Variants in SIL1 observed in about 807,000 individuals in gnomAD.
The protein encoded by SIL1 is nucleotide exchange factor SIL1.
In SIL1, 40 loss-of-function variants were observed where a neutral mutation model predicts 49.1. The ratio of observed to expected loss-of-function variants is 0.81; its 90% CI spans 0.63 to 1.06. The LOEUF (loss-of-function observed/expected upper bound fraction) is 1.06. Ranked by LOEUF, SIL1 falls within the 50% of genes least tolerant of loss-of-function variation. The probability of loss-of-function intolerance (pLI) is 0.00; values close to 1 mark genes in which losing one functional copy is unlikely to be tolerated. For missense variants in SIL1, 500 were observed against 572.6 expected (o/e 0.87, Z 1.29); for synonymous variants, 253 against 250.8 (o/e 1.01, Z -0.08).
At chr5:139,139,838 A>G (rs941771065) in intron 1 of SIL1, among the ~76,000 whole-genome samples, 1 of 151,774 alleles carries the variant, frequency 6.6e-6, no homozygotes, top group African/African-American at 2.4e-5. Context: ...AAATACAAAA[A>G]CTAGTTGGGG....
chr5:139,170,966 C>T (rs1420847529), intron 1 of SIL1, among the ~76,000 whole-genome samples: 3 of 146,012 alleles, frequency 2.1e-5, no homozygotes, highest in East Asian at 2.1e-4. Flanking sequence ...GTCAGTCCCC[C>T]GCCCGGCCAG....
At chr5:139,106,269 G>A (rs1220230562) in intron 3 of SIL1, among the ~76,000 whole-genome samples, 4 of 152,344 alleles carry the variant, frequency 2.6e-5, no homozygotes, top group South Asian at 4.1e-4. Flanking sequence ...TCAATCTTGA[G>A]CCAGCCACTT....
intron 3 of SIL1, among the ~76,000 whole-genome samples, chr5:139,096,123 G>A (rs1019915344): frequency 6.6e-6 from 1 of 152,158 alleles, no homozygotes. Context: ...ATGTCTCTGG[G>A]CACTGGCAGA....
intron 4 of SIL1, among the ~76,000 whole-genome samples, chr5:139,049,752 C>T (rs1175728801): frequency 4.0e-5 from 6 of 151,236 alleles, no homozygotes; most frequent in African/African-American, 1.5e-4. Context: ...ATGATCACAC[C>T]ACTTTACTCC....
At chr5:139,152,446 C>A (rs1385926037) in intron 1 of SIL1, among the ~76,000 whole-genome samples, 1 of 151,818 alleles carries the variant, frequency 6.6e-6, no homozygotes, top group Non-Finnish European at 1.5e-5. Context: ...CATGGTGAAA[C>A]CCCACCTCTA....
chr5:139,096,672 A>G (rs1477949092), intron 3 of SIL1, among the ~76,000 whole-genome samples: 3 of 151,790 alleles, frequency 2.0e-5, no homozygotes, highest in Admixed American at 6.6e-5. Context: ...TCTAGGCCCT[A>G]GCTCCCAGAT....
chr5:139,015,302 G>A (rs1768374858), intron 7 of SIL1, among the ~76,000 whole-genome samples: 2 of 151,972 alleles, frequency 1.3e-5, no homozygotes, highest in South Asian at 4.2e-4. Context: ...ATATATAACT[G>A]CAAATTGAGA....
At chr5:139,036,193 A>G (rs1330547464) in intron 5 of SIL1, among the ~76,000 whole-genome samples, 1 of 152,114 alleles carries the variant, frequency 6.6e-6, no homozygotes, top group Non-Finnish European at 1.5e-5. Context: ...TTTTGTTGCA[A>G]TTGGTTTTGG....
chr5:139,117,435 G>A (rs1771016598), intron 3 of SIL1, among the ~76,000 whole-genome samples: 1 of 152,170 alleles, frequency 6.6e-6, no homozygotes, highest in East Asian at 1.9e-4. Context: ...AATGTGAGCT[G>A]TTACCTATAT....
At chr5:139,095,834 T>TAAAAAAAAAAAAAA (rs879743692) in intron 3 of SIL1, among the ~76,000 whole-genome samples, 1 of 142,124 alleles carries the variant, frequency 7.0e-6, no homozygotes, top group Non-Finnish European at 1.5e-5. Context: ...TGTCAAAATT[T>TAAAAAAAAAAAAAA]AAAAAAAAAA....
intron 1 of SIL1, among the ~76,000 whole-genome samples, chr5:139,168,957 CA>C (rs1241500802): frequency 2.0e-3 from 198 of 98,960 alleles, no homozygotes; most frequent in Non-Finnish European, 2.0e-3. Flanking sequence ...GACCCTGTCT[CA>C]AAAAAAAAAA....
intron 3 of SIL1, among the ~76,000 whole-genome samples, chr5:139,107,671 T>C (rs1581104985): frequency 6.6e-6 from 1 of 152,198 alleles, no homozygotes; most frequent in African/African-American, 2.4e-5. Context: ...TTTCATCACC[T>C]GGACATACTT....
chr5:138,986,476 G>A (rs1035185384), intron 7 of SIL1, among the ~76,000 whole-genome samples: 1 of 152,158 alleles, frequency 6.6e-6, no homozygotes, highest in African/African-American at 2.4e-5. Context: ...TGCATCAATG[G>A]TTTAAAAATG....
At chr5:138,974,586 G>A (rs1345335635) in intron 7 of SIL1, among the ~76,000 whole-genome samples, 1 of 152,246 alleles carries the variant, frequency 6.6e-6, no homozygotes. Context: ...ATAATTGGGA[G>A]TTGCCCAAAC....
rs1766787964 is a variant in SIL1, at chr5:138,951,879, G to A, written c.773C>T (p.Pro258Leu). The A allele has an allele frequency of 1.9e-6, 3 of 1,613,616 alleles. No homozygotes were observed. Among genetic ancestry groups the A allele is most frequent in the Non-Finnish European group, 1.7e-6 (2 of 1,179,974 alleles). ...FVLGAAFSSN[P>L]KVQVEAIEGG... is the part of the protein sequence containing the mutation. ...TTCGATGGCCTCCACCTGGACCTTG[G>A]GGTTGCTGGGGAAGAAGCACAGGAC... Residue 258 changes from proline (P) to leucine (L), a missense_variant, in exon 8 of 10, where the codon CCC becomes CTC. Transcript: ENST00000394817.
intron 3 of SIL1, among the ~76,000 whole-genome samples, chr5:139,092,864 T>A (rs1428841671): frequency 6.6e-6 from 1 of 152,198 alleles, no homozygotes; most frequent in Non-Finnish European, 1.5e-5. Flanking sequence ...CCAAAGTTCA[T>A]GTGTTGGAAA....
rs779390899 is a variant in SIL1 at position 139,127,824 on chromosome 5, G to A, written c.20C>T (p.Pro7Leu). The change falls in exon 2 of 10, where the codon CCT becomes CTT. Residue 7 changes from proline to leucine, a missense_variant. Coordinates refer to ENST00000394817, the MANE Select transcript of SIL1 (RefSeq NM_022464.5). ...GCCCAGAGGAGCCATCCTAGATGAAGGCAGGCTCTGGGGAGCCATAGTCAG... is the reference window on the plus strand; with the variant it reads ...GCCCAGAGGAGCCATCCTAGATGAAAGCAGGCTCTGGGGAGCCATAGTCAG... MAPQSL[P>L]SSRMAPLGML... 2 of 1,605,392 alleles carry A rather than the reference G, an allele frequency of 1.2e-6. No homozygotes were observed. Among genetic ancestry groups the A allele is most frequent in the East Asian group, 4.5e-5 (2 of 44,636 alleles).
rs1751421051 is a variant in SIL1, at chr5:139,157,072, C to T, written c.-10-29219G>A. Among the ~76,000 whole-genome samples, 3 of 152,178 alleles carry T rather than the reference C, an allele frequency of 2.0e-5. No homozygotes were observed. In the South Asian group the frequency reaches 6.2e-4, roughly 32 times the overall value. On this transcript the variant is annotated intron_variant, in intron 1 of 9. Transcript: ENST00000394817. ...GAATTGAAGCAATCAGCACTGACAG[C>T]TCCTCTGCTGCAAAGCCTTCTCATG...
At chr5:138,960,731 A>C (rs944457929) in intron 7 of SIL1, among the ~76,000 whole-genome samples, 3 of 152,222 alleles carry the variant, frequency 2.0e-5, no homozygotes, top group African/African-American at 7.2e-5. Flanking sequence ...CTGGGATTAC[A>C]GGCGTGAGCC....
Sources: allele counts gnomAD v4.1 joint callset (sites outside exome capture counted in the v4.1 genomes callset), GRCh38; gene constraint gnomAD v4.1.1; transcripts MANE v1.5; gene names NCBI Gene and HGNC (gene_info 2026-07-23, HGNC 2026-07-21).